The following CFAP299 variants were observed in gnomAD, a reference collection of about 807,000 sequenced individuals.
CFAP299 encodes the protein cilia- and flagella-associated protein 299.
In CFAP299, 21 loss-of-function variants were observed where a neutral mutation model predicts 27.0. The ratio of observed to expected loss-of-function variants is 0.78; its 90% confidence interval spans 0.55 to 1.12. The LOEUF is 1.12. Among genes scored for constraint, CFAP299 ranks in the 50% most tolerant of loss-of-function variants. CFAP299 has a pLI of 0.00. For missense variants in CFAP299, 310 were observed against 276.6 expected (o/e 1.12, Z -0.86); for synonymous variants, 104 against 98.1 (o/e 1.06, Z -0.36).
intron 3 of CFAP299, among the ~76,000 whole-genome samples, chr4:80,625,883 T>TAAAGTAA (rs1237637066): frequency 1.3e-5 from 2 of 151,974 alleles, no homozygotes; most frequent in Non-Finnish European, 2.9e-5. Flanking sequence ...GATGAAGATA[T>TAAAGTAA]AAAGTAAATA....
intron 5 of CFAP299, among the ~76,000 whole-genome samples, chr4:80,959,131 A>G (rs62302255): frequency 1.4e-4 from 22 of 152,084 alleles, no homozygotes; most frequent in African/African-American, 5.3e-4. Flanking sequence ...ACAATTAGAC[A>G]AACATCTCTA....
At chr4:80,442,145 A>G (rs1401590839) in intron 2 of CFAP299, among the ~76,000 whole-genome samples, 1 of 152,088 alleles carries the variant, frequency 6.6e-6, no homozygotes, top group Non-Finnish European at 1.5e-5. Flanking sequence ...TTAGACAGAT[A>G]TTTACAAGAC....
upstream of CFAP299, among the ~76,000 whole-genome samples, chr4:80,334,531 C>T (rs1722049914): frequency 6.6e-6 from 1 of 152,162 alleles, no homozygotes; most frequent in Admixed American, 6.5e-5. Context: ...CCACCTCGGC[C>T]TCCCAAAGTG....
At chr4:80,820,716 G>C (rs1298151400) in intron 3 of CFAP299, among the ~76,000 whole-genome samples, 1 of 152,104 alleles carries the variant, frequency 6.6e-6, no homozygotes, top group East Asian at 1.9e-4. Context: ...GGGGCTAAAG[G>C]GACAGAATCA....
At chr4:80,949,581 CA>C (rs1737665185) in intron 5 of CFAP299, among the ~76,000 whole-genome samples, 1 of 144,744 alleles carries the variant, frequency 6.9e-6, no homozygotes, top group African/African-American at 2.6e-5. Flanking sequence ...AAAAAAAAAA[CA>C]AAAAACAGAA....
chr4:80,365,398 G>A (rs1723778665), intron 2 of CFAP299, among the ~76,000 whole-genome samples: 1 of 152,108 alleles, frequency 6.6e-6, no homozygotes, highest in Non-Finnish European at 1.5e-5. Context: ...GTCTTCTTTT[G>A]AAAAGTGTCT....
chr4:80,806,963 A>T (rs938232586), intron 3 of CFAP299, among the ~76,000 whole-genome samples: 1 of 152,176 alleles, frequency 6.6e-6, no homozygotes, highest in Non-Finnish European at 1.5e-5. Context: ...AGACCTGATT[A>T]TATTAAGTAT....
intron 4 of CFAP299, among the ~76,000 whole-genome samples, chr4:80,886,953 A>G (rs1157445159): frequency 6.6e-6 from 1 of 152,156 alleles, no homozygotes; most frequent in Non-Finnish European, 1.5e-5. Flanking sequence ...AATGTATCAG[A>G]GTCTCTTAAT....
At chr4:80,626,220 A>C (rs569147516) in intron 3 of CFAP299, among the ~76,000 whole-genome samples, 1 of 152,100 alleles carries the variant, frequency 6.6e-6, no homozygotes, top group South Asian at 2.1e-4. Context: ...ATTAGAATTA[A>C]CATAAATTAA....
chr4:80,335,439 G>T (rs1042704908), upstream of CFAP299, among the ~76,000 whole-genome samples: 1 of 152,058 alleles, frequency 6.6e-6, no homozygotes, highest in Non-Finnish European at 1.5e-5. Flanking sequence ...GAATGCAATT[G>T]GGAGCTAATT....
rs550454113 is a variant in CFAP299 at position 80,826,762 on chromosome 4, T to C, written c.334-43231T>C. Reference sequence around the variant, plus strand: ...CTACCAACATAATACACAATTTTCCTAAGTGCATGTGGGACATTGTCCATG... The same window carrying C: ...CTACCAACATAATACACAATTTTCCCAAGTGCATGTGGGACATTGTCCATG... On this transcript the variant is annotated intron_variant, in intron 3 of 5. Coordinates refer to ENST00000358105, the MANE Select transcript of CFAP299 (RefSeq NM_152770.3). 3.3e-5 allele frequency among the ~76,000 whole-genome samples: 5 copies of C among 152,048 alleles called. No individual in the cohort carries two copies. The East Asian group carries it at 9.6e-4, about 29-fold the overall frequency.
chr4:80,564,291 G>A (rs1214982040), intron 2 of CFAP299, among the ~76,000 whole-genome samples: 1 of 151,854 alleles, frequency 6.6e-6, no homozygotes, highest in African/African-American at 2.4e-5. Context: ...CAAAATAGAA[G>A]CAAACCAAAT....
At chr4:80,582,975 T>C in intron 2 of CFAP299, 118 bp from the exon 3 acceptor site, 1 of 528,254 alleles carries the variant, frequency 1.9e-6, no homozygotes, top group Non-Finnish European at 3.4e-6. Flanking sequence ...TGATTTTATT[T>C]ATATGGTTTT....
At chr4:80,781,827 T>C (rs1339425724) in intron 3 of CFAP299, among the ~76,000 whole-genome samples, 2 of 148,602 alleles carry the variant, frequency 1.3e-5, no homozygotes, top group South Asian at 4.2e-4. Flanking sequence ...TAAGCCACAA[T>C]AGAATAAAAA....
chr4:80,698,815 C>T (rs972183719), intron 3 of CFAP299, among the ~76,000 whole-genome samples: 3 of 152,106 alleles, frequency 2.0e-5, no homozygotes, highest in Non-Finnish European at 1.5e-5. Flanking sequence ...CCTTATAAAA[C>T]CATCAGATTT....
In CFAP299 at chr4:80,404,938, C is replaced by T. The variant is rs111900238; in HGVS notation, c.242+42054C>T. Among the ~76,000 whole-genome samples, 729 of 152,220 alleles carry T rather than the reference C, an allele frequency of 4.8e-3. 3 individuals are homozygous for T. The highest frequency in any genetic ancestry group is 7.0e-3 in the Non-Finnish European group (478 of 68,006). On this transcript the variant is annotated intron_variant, in intron 2 of 5. Coordinates refer to ENST00000358105, the MANE Select transcript of CFAP299 (RefSeq NM_152770.3). ...TCCAATTTCTCTGCATCCAAGTCAACGCTTCTTATTTTCTGATATTTTAAT... is the reference window on the plus strand; with the variant it reads ...TCCAATTTCTCTGCATCCAAGTCAATGCTTCTTATTTTCTGATATTTTAAT...
At chr4:80,713,396 A>G (rs575879551) in intron 3 of CFAP299, among the ~76,000 whole-genome samples, 7 of 152,316 alleles carry the variant, frequency 4.6e-5, no homozygotes, top group African/African-American at 1.7e-4. Context: ...GATGCCAGGC[A>G]ATAGACAACA....
chr4:80,714,349 A>G (rs976792605), intron 3 of CFAP299, among the ~76,000 whole-genome samples: 6 of 152,152 alleles, frequency 3.9e-5, no homozygotes, highest in African/African-American at 1.4e-4. Flanking sequence ...ATCATACAGT[A>G]AATAGTCCTA....
Position 80,938,460 on chromosome 4 carries a change from A to G in CFAP299, c.477-6350A>G, listed in dbSNP as rs552276557. On this transcript the variant is annotated intron_variant, in intron 4 of 5. Transcript: ENST00000358105. The stretch of plus-strand genomic sequence containing the variant: ...GATAACTAGCCAAACGCATCACTTT[A>G]TTTTGGCCATCCCTTTGTTACCCAT... 9.3e-4 allele frequency among the ~76,000 whole-genome samples: 142 copies of G among 152,302 alleles called. 5 individuals carry two copies. The South Asian group carries it at 0.029, about 31-fold the overall frequency.
Sources: gnomAD v4.1 joint callset for allele counts (sites outside exome capture counted in the v4.1 genomes callset) on GRCh38, gnomAD v4.1.1 for gene constraint, MANE v1.5 for transcripts, NCBI Gene and HGNC (gene_info 2026-07-23, HGNC 2026-07-21) for gene names.